CFAP99: variants seen among roughly 807,000 people sequenced by gnomAD.
CFAP99 encodes the protein cilia and flagella associated protein 99, also known as cilia- and flagella-associated protein 99.
CFAP99 carries 84 observed loss-of-function variants against 82.7 expected under a neutral mutation model. The ratio of observed to expected loss-of-function variants is 1.02; its 90% CI spans 0.85 to 1.22. The LOEUF is 1.22. Ranked by LOEUF, CFAP99 falls within the 50% of genes most tolerant of loss-of-function variation. CFAP99 has a pLI of 0.00. For missense variants in CFAP99, 1,059 were observed against 983.5 expected, an observed-to-expected ratio of 1.08 and a Z score of -1.03; for synonymous variants, 456 against 429.5, an observed-to-expected ratio of 1.06 and a Z score of -0.76.
chr4:2,457,480 G>A (rs966312912), intron 11 of CFAP99, among the ~76,000 whole-genome samples: 1 of 152,222 alleles, frequency 6.6e-6, no homozygotes, highest in African/African-American at 2.4e-5. Context: ...AACCTGGTGG[G>A]ATGTCCACAG....
intron 2 of CFAP99, among the ~76,000 whole-genome samples, chr4:2,431,501 C>T (rs907598707): frequency 6.6e-6 from 1 of 152,142 alleles, no homozygotes; most frequent in Non-Finnish European, 1.5e-5. Flanking sequence ...GACTGACTGA[C>T]CACCTGTCCC....
In CFAP99 at chr4:2,446,947, A is replaced by G. The variant is rs995180145; in HGVS notation, c.642+1639A>G. ...TGGGTAAGTGGGTGGATGGATGTCA[A>G]ATGGATGAAGAGATGATCAGGTGGA... On this transcript the variant is annotated intron_variant, in intron 6 of 14. Transcript: ENST00000635017. This position sits in a 1 kb window ranked among gnomAD's most constrained non-coding sequence, Gnocchi z 5.0. Among the ~76,000 whole-genome samples, 3 of 151,306 alleles carry G rather than the reference A, an allele frequency of 2.0e-5. No individual in the cohort carries two copies. Among genetic ancestry groups the G allele is most frequent in the Non-Finnish European group, 4.4e-5 (3 of 67,858 alleles).
chr4:2,455,354 T>C (rs1053206739), intron 11 of CFAP99, among the ~76,000 whole-genome samples: 18 of 152,256 alleles, frequency 1.2e-4, no homozygotes, highest in African/African-American at 4.1e-4. Context: ...AACAGTCTTT[T>C]CTTGTGTTGT....
rs1331598253 is a variant in CFAP99 at position 2,448,148 on chromosome 4, G to A, written c.643-1522G>A. On this transcript the variant is annotated intron_variant, in intron 6 of 14. Transcript: ENST00000635017. This position sits in a 1 kb window ranked among gnomAD's most constrained non-coding sequence, Gnocchi z 5.2. ...AGATGGAGGTGGCTGATGGATGGAT[G>A]ATCAGAGACCTTGTTGCTGAGCAAC... 6.6e-6 allele frequency among the ~76,000 whole-genome samples: 1 copy of A among 152,172 alleles called. No individual in the cohort carries two copies. Among genetic ancestry groups the A allele is most frequent in the Admixed American group, 6.5e-5 (1 of 15,270 alleles).
intron 4 of CFAP99, among the ~76,000 whole-genome samples, chr4:2,442,766 CTGCTCCT>C (rs958752852): frequency 1.3e-5 from 2 of 152,208 alleles, no homozygotes; most frequent in African/African-American, 4.8e-5. Context: ...ACCCCGGGGG[CTGCTCCT>C]CCCAGCTGGA....
intron 10 of CFAP99, among the ~76,000 whole-genome samples, 163 bp downstream of exon 10, chr4:2,451,515 A>C (rs1219542799): frequency 1.3e-5 from 2 of 152,126 alleles, no homozygotes; most frequent in African/African-American, 4.8e-5. Context: ...GGACTGTGTC[A>C]GGGTCCCAGG....
chr4:2,449,960 G>A, exon 8 of CFAP99: 1 of 1,536,210 alleles, frequency 6.5e-7, no homozygotes, highest in Non-Finnish European at 8.7e-7. Context: ...CAAACATCGA[G>A]GAACTGCGCT....
intron 3 of CFAP99, among the ~76,000 whole-genome samples, chr4:2,437,585 G>C (rs1560381154): frequency 6.6e-6 from 1 of 152,188 alleles, no homozygotes; most frequent in Non-Finnish European, 1.5e-5. Flanking sequence ...GGTACTGGGA[G>C]ACTGAGCTGA....
intron 1 of CFAP99, 58 bp from the exon 2 acceptor site, chr4:2,426,401 A>C (rs1428641734): frequency 1.9e-6 from 2 of 1,057,094 alleles, no homozygotes; most frequent in East Asian, 5.2e-5. Context: ...GCTGCTGGGG[A>C]GGGTCCTGCG....
intron 2 of CFAP99, among the ~76,000 whole-genome samples, chr4:2,430,611 AGT>A (rs1424874045): frequency 6.6e-6 from 1 of 152,154 alleles, no homozygotes; most frequent in Non-Finnish European, 1.5e-5. Flanking sequence ...GGTGAAAGGC[AGT>A]GTTTTGGGTT....
rs1578478941 is a variant in CFAP99 at position 2,450,943 on chromosome 4, G to A, written c.796-4G>A. 1.3e-6 allele frequency: 2 copies of A among 1,535,784 alleles called. No individual in the cohort carries two copies. The highest frequency in any genetic ancestry group is 2.0e-5 in the Admixed American group (1 of 50,974). On this transcript the variant is annotated splice_region_variant and splice_polypyrimidine_tract_variant and intron_variant, in intron 8 of 14. Coordinates refer to ENST00000635017, the Ensembl canonical transcript of CFAP99. ...GGCGGCCAGCTCTGCCCTGACTCCT[G>A]CAGGGCTCCAAGCAGCAGCTGCGGC...
At position 2,460,422 on chromosome 4, in the gene CFAP99, A is replaced by G. The variant is rs191847874; in HGVS notation, c.1661+180A>G. 5.3e-5 allele frequency among the ~76,000 whole-genome samples: 8 copies of G among 152,318 alleles called. No individual in the cohort carries two copies. In the East Asian group the frequency reaches 1.5e-3, roughly 29 times the overall value. On this transcript the variant is annotated intron_variant, in intron 14 of 14. Transcript: ENST00000635017. Reference sequence around the variant, plus strand: ...GTAGGTGACTTCCAGGCACATGGGAATGGTGCAAAATTCTGCATCCATGGC... The same window carrying G: ...GTAGGTGACTTCCAGGCACATGGGAGTGGTGCAAAATTCTGCATCCATGGC...
intron 5 of CFAP99, 149 bp downstream of exon 5, chr4:2,443,391 C>T (rs1185663126): frequency 1.6e-6 from 1 of 627,704 alleles, no homozygotes; most frequent in African/African-American, 1.8e-5. Context: ...ATGAGATCTT[C>T]GGAGAAGCCC....
intron 11 of CFAP99, among the ~76,000 whole-genome samples, chr4:2,453,439 A>C (rs982808170): frequency 1.3e-5 from 2 of 152,186 alleles, no homozygotes; most frequent in Non-Finnish European, 2.9e-5. Context: ...GCGTGGTTTT[A>C]CTAAATATGG....
exon 2 of CFAP99, chr4:2,426,556 G>C (rs997289216): frequency 1.3e-6 from 2 of 1,535,892 alleles, no homozygotes; most frequent in Non-Finnish European, 1.7e-6. Flanking sequence ...ACCCTGAGCA[G>C]TTCCTGGAGG....
At chr4:2,420,234 G>A (rs755987798) in intron 1 of CFAP99, among the ~76,000 whole-genome samples, 1 of 151,862 alleles carries the variant, frequency 6.6e-6, no homozygotes, top group East Asian at 1.9e-4. Flanking sequence ...CTCCCTCCCT[G>A]GGGGATTTCC....
exon 6 of CFAP99, chr4:2,445,215 G>T: frequency 6.8e-7 from 1 of 1,465,022 alleles, no homozygotes; most frequent in Non-Finnish European, 9.0e-7. Flanking sequence ...CCAAGGCCAA[G>T]GTCACAGAGC....
chr4:2,435,373 C>T (rs1164740833), intron 2 of CFAP99, among the ~76,000 whole-genome samples: 1 of 151,408 alleles, frequency 6.6e-6, no homozygotes, highest in Non-Finnish European at 1.5e-5. Context: ...AAGTAAAATT[C>T]CTACATGCTC....
chr4:2,437,453 G>A (rs2108719742), intron 3 of CFAP99, among the ~76,000 whole-genome samples: 1 of 152,310 alleles, frequency 6.6e-6, no homozygotes, highest in South Asian at 2.1e-4. Context: ...TCATGGGGCA[G>A]GGCGACCATT....
Sources: gnomAD v4.1 joint callset for allele counts (sites outside exome capture counted in the v4.1 genomes callset) on GRCh38, gnomAD v4.1.1 for gene constraint, Gnocchi (gnomAD v3.1) non-coding constraint, MANE v1.5 for transcripts, NCBI Gene and HGNC (gene_info 2026-07-23, HGNC 2026-07-21) for gene names.